FOXP2: variants seen among roughly 807,000 people sequenced by gnomAD.
FOXP2 encodes forkhead box P2, also known as forkhead box protein P2.
FOXP2 carries 12 observed loss-of-function variants against 115.8 expected under a neutral mutation model. The ratio of observed to expected loss-of-function variants is 0.10; its 90% CI spans 0.07 to 0.17. The LOEUF (loss-of-function observed/expected upper bound fraction) is 0.17. Ranked by LOEUF, FOXP2 falls within the 10% of genes least tolerant of loss-of-function variation. The pLI is 1.00. For synonymous variants in FOXP2, 328 were observed against 297.7 expected (o/e 1.10, Z -1.05); for missense variants, 629 against 843.5 (o/e 0.75, Z 3.15).
intron 1 of FOXP2, among the ~76,000 whole-genome samples, chr7:114,227,705 T>A (rs1794776001): frequency 6.6e-6 from 1 of 152,028 alleles, no homozygotes; most frequent in Non-Finnish European, 1.5e-5. Context: ...AGATTTGAGG[T>A]AGTATACACC....
intron 2 of FOXP2, among the ~76,000 whole-genome samples, chr7:114,501,343 C>T (rs1797559525): frequency 6.6e-6 from 1 of 151,998 alleles, no homozygotes; most frequent in Admixed American, 6.6e-5. Flanking sequence ...ATCAATACTC[C>T]AGTGCGGTTT....
intron 2 of FOXP2, among the ~76,000 whole-genome samples, chr7:114,407,073 A>G (rs1456975439): frequency 1.3e-5 from 2 of 152,050 alleles, no homozygotes; most frequent in Non-Finnish European, 2.9e-5. Flanking sequence ...ACAGAGCTGA[A>G]GGCTTGGGAA....
Position 114,629,909 on chromosome 7 carries a change from G to A in FOXP2, c.501G>A (p.Gln167=), listed in dbSNP as rs545913841. 3 of 1,609,724 alleles carry A rather than the reference G, an allele frequency of 1.9e-6. No homozygotes were observed. Among genetic ancestry groups the A allele is most frequent in the South Asian group, 2.2e-5 (2 of 90,854 alleles). Residue 167 remains glutamine (Q), a synonymous_variant, in exon 5 of 17, where the codon CAG becomes CAA. Coordinates refer to ENST00000350908, the MANE Select transcript of FOXP2 (RefSeq NM_014491.4). ...AGCAGCAACAACAGCAGCAACAACAGCAGCAGCAACAACAACAACAACAGC... is the reference window on the plus strand; with the variant it reads ...AGCAGCAACAACAGCAGCAACAACAACAGCAGCAACAACAACAACAACAGC... ...QQQQQQQQQQ[Q]QQQQQQQQQQ...
rs1368043850 is a variant in FOXP2, at chr7:114,426,684, G to A, written c.168+5G>A. 1.2e-6 allele frequency: 2 copies of A among 1,610,634 alleles called. No individual in the cohort carries two copies. The highest frequency in any genetic ancestry group is 2.2e-5 in the East Asian group (1 of 44,694). On this transcript the variant is annotated splice_donor_5th_base_variant and intron_variant, in intron 2 of 16. Coordinates refer to ENST00000350908, the MANE Select transcript of FOXP2 (RefSeq NM_014491.4). ...CTGCATCTGCAACAACAGCAGGTAA[G>A]TTTTGTTTTCCTCAGTGCTTCCTTA...
At chr7:114,655,107 T>C (rs964637032) in intron 10 of FOXP2, among the ~76,000 whole-genome samples, 1 of 152,168 alleles carries the variant, frequency 6.6e-6, no homozygotes, top group Non-Finnish European at 1.5e-5. Flanking sequence ...AACTCTAAAA[T>C]GTCTGAGTTT....
intron 3 of FOXP2, among the ~76,000 whole-genome samples, chr7:114,535,342 G>C (rs146008986): frequency 1.3e-4 from 20 of 151,234 alleles, no homozygotes; most frequent in African/African-American, 4.8e-4. Flanking sequence ...TTCTTGGTGG[G>C]GGGGGAAACA....
intron 16 of FOXP2, among the ~76,000 whole-genome samples, chr7:114,680,707 T>C (rs1248285123): frequency 6.7e-6 from 1 of 149,234 alleles, no homozygotes; most frequent in East Asian, 2.0e-4. Context: ...ATCGTGCCAC[T>C]GCACTCCAGC....
intron 3 of FOXP2, among the ~76,000 whole-genome samples, chr7:114,536,406 T>C (rs1213026208): frequency 1.4e-5 from 2 of 141,400 alleles, no homozygotes; most frequent in Admixed American, 1.4e-4. Context: ...TCTTTTTTTT[T>C]TTTTTTTTTT....
At chr7:114,586,257 A>G (rs1802124295) in intron 3 of FOXP2, among the ~76,000 whole-genome samples, 1 of 152,154 alleles carries the variant, frequency 6.6e-6, no homozygotes, top group South Asian at 2.1e-4. Flanking sequence ...AAAGAGTTTT[A>G]TACATATTGG....
intron 16 of FOXP2, chr7:114,667,940 G>C (rs542932830): frequency 6.6e-6 from 1 of 152,048 alleles, no homozygotes; most frequent in Non-Finnish European, 1.5e-5. Context: ...CAAAGAATCC[G>C]TATAAGAAGT....
intron 1 of FOXP2, among the ~76,000 whole-genome samples, chr7:114,169,554 G>A (rs1249900596): frequency 2.6e-5 from 4 of 152,152 alleles, no homozygotes; most frequent in Non-Finnish European, 4.4e-5. Flanking sequence ...GATTTTGCAG[G>A]TTCATGGGGG....
At chr7:114,200,651 G>T (rs1470996740) in intron 1 of FOXP2, among the ~76,000 whole-genome samples, 1 of 152,126 alleles carries the variant, frequency 6.6e-6, no homozygotes, top group Non-Finnish European at 1.5e-5. Context: ...TCAAGTTGAT[G>T]CCATTTGACC....
At chr7:114,387,989 A>C (rs1792495583) in intron 2 of FOXP2, among the ~76,000 whole-genome samples, 2 of 152,296 alleles carry the variant, frequency 1.3e-5, no homozygotes, top group South Asian at 2.1e-4. Context: ...TTAAGGTTTC[A>C]GTCATAGAGT....
At chr7:114,514,888 C>T (rs1798255397) in intron 2 of FOXP2, among the ~76,000 whole-genome samples, 1 of 148,102 alleles carries the variant, frequency 6.8e-6, no homozygotes, top group Non-Finnish European at 1.5e-5. Flanking sequence ...CCACAACAGT[C>T]CTCAGAGTGT....
At chr7:114,289,910 G>A (rs912941213) in intron 2 of FOXP2, among the ~76,000 whole-genome samples, 1 of 151,920 alleles carries the variant, frequency 6.6e-6, no homozygotes, top group Non-Finnish European at 1.5e-5. Context: ...CCTTGAGCTG[G>A]AAGTATGATT....
chr7:114,244,927 A>G (rs1353924741), intron 1 of FOXP2, among the ~76,000 whole-genome samples: 1 of 151,770 alleles, frequency 6.6e-6, no homozygotes, highest in Non-Finnish European at 1.5e-5. Context: ...ACGCCCGGCT[A>G]ATTTTTTTGT....
chr7:114,185,397 G>C (rs1050305866), intron 1 of FOXP2, among the ~76,000 whole-genome samples: 1 of 151,928 alleles, frequency 6.6e-6, no homozygotes, highest in African/African-American at 2.4e-5. Flanking sequence ...ATATCTCTGG[G>C]CTCTAAATTT....
rs577997427 is a variant in FOXP2 at position 114,128,596 on chromosome 7, G to A, written c.-246-34348G>A. 2.0e-5 allele frequency among the ~76,000 whole-genome samples: 3 copies of A among 151,848 alleles called. No individual in the cohort carries two copies. In the South Asian group the frequency reaches 6.3e-4, roughly 32 times the overall value. ...TTTCCCTCAAATAACTCACTAGTCT[G>A]GGATCAAAACGCTCCAAAAATTGCA... On this transcript the variant is annotated intron_variant, in intron 1 of 19. Transcript: ENST00000635638.
intron 1 of FOXP2, among the ~76,000 whole-genome samples, chr7:114,282,222 T>C (rs1231063040): frequency 1.3e-5 from 2 of 152,212 alleles, no homozygotes; most frequent in East Asian, 3.8e-4. Flanking sequence ...TTGCATCATA[T>C]GCAGTCTTCA....
Sources: allele counts gnomAD v4.1 joint callset (sites outside exome capture counted in the v4.1 genomes callset), GRCh38; gene constraint gnomAD v4.1.1; transcripts MANE v1.5; gene names NCBI Gene and HGNC (gene_info 2026-07-23, HGNC 2026-07-21).